PALS2: variants seen among roughly 807,000 people sequenced by gnomAD.
PALS2 encodes protein associated with LIN7 2, MAGUK p55 family member, also known as protein PALS2.
In PALS2, 27 loss-of-function variants were observed where a neutral mutation model predicts 61.6. The ratio of observed to expected loss-of-function variants is 0.44; its 90% CI spans 0.32 to 0.60. The LOEUF is 0.60. PALS2 is among the 20% of genes least tolerant of loss of function. The pLI, the probability that PALS2 is intolerant of heterozygous loss-of-function variation, is 0.05. For missense variants in PALS2, 554 were observed against 639.4 expected (o/e 0.87, Z 1.44); for synonymous variants, 236 against 218.6 (o/e 1.08, Z -0.70).
At chr7:24,599,008 G>A (rs777102756) in intron 1 of PALS2, among the ~76,000 whole-genome samples, 1 of 152,118 alleles carries the variant, frequency 6.6e-6, no homozygotes, top group Non-Finnish European at 1.5e-5. Flanking sequence ...AAAACACACC[G>A]AGTGTTGAAT....
At chr7:24,626,558 C>A (rs185548770) in intron 2 of PALS2, among the ~76,000 whole-genome samples, 1 of 152,190 alleles carries the variant, frequency 6.6e-6, no homozygotes, top group Admixed American at 6.5e-5. Flanking sequence ...TGGCTAAATG[C>A]CCCAATTAAA....
chr7:24,657,523 G>A (rs1317250676), intron 5 of PALS2, among the ~76,000 whole-genome samples: 1 of 152,108 alleles, frequency 6.6e-6, no homozygotes, highest in African/African-American at 2.4e-5. Context: ...TTGGCGAAGT[G>A]TCTTCAAATA....
At chr7:24,661,912 G>A (rs1412843633) in intron 5 of PALS2, among the ~76,000 whole-genome samples, 1 of 151,976 alleles carries the variant, frequency 6.6e-6, no homozygotes. Context: ...ACATTCTCTG[G>A]TACTTCATTT....
At chr7:24,625,331 A>G (rs1443688119) in intron 2 of PALS2, among the ~76,000 whole-genome samples, 1 of 152,242 alleles carries the variant, frequency 6.6e-6, no homozygotes, top group Non-Finnish European at 1.5e-5. Flanking sequence ...CTTTTGATCT[A>G]TAGATTTTAA....
intron 1 of PALS2, among the ~76,000 whole-genome samples, chr7:24,605,603 AGAATAGGT>A (rs1438367689): frequency 6.6e-6 from 1 of 152,182 alleles, no homozygotes; most frequent in Non-Finnish European, 1.5e-5. Flanking sequence ...AAAGACATAA[AGAATAGGT>A]CTATAAAGAC....
At position 24,672,322 on chromosome 7, in the gene PALS2, G is replaced by C. The variant is rs987993215; in HGVS notation, c.1114+3662G>C. Reference sequence around the variant, plus strand: ...GGCTCACTGCAGCCTCCACCTCCTGGATTCAAGCCATTCTCCTGCCTCAGC... The same window carrying C: ...GGCTCACTGCAGCCTCCACCTCCTGCATTCAAGCCATTCTCCTGCCTCAGC... On this transcript the variant is annotated intron_variant, in intron 9 of 11. Coordinates refer to ENST00000222644, the MANE Select transcript of PALS2 (RefSeq NM_001303037.2). Among the ~76,000 whole-genome samples, 8 of 151,888 alleles carry C rather than the reference G, an allele frequency of 5.3e-5. No homozygotes were observed. In the East Asian group the frequency reaches 1.6e-3, roughly 30 times the overall value.
At chr7:24,624,425 C>T (rs1051710039) in intron 2 of PALS2, among the ~76,000 whole-genome samples, 4 of 152,044 alleles carry the variant, frequency 2.6e-5, no homozygotes, top group African/African-American at 9.7e-5. Flanking sequence ...CTTCTTTGAT[C>T]TTTTCTTCAT....
chr7:24,623,631 G>C, intron 1 of PALS2, 35 bp from the exon 2 acceptor site: 1 of 1,313,000 alleles, frequency 7.6e-7, no homozygotes, highest in Non-Finnish European at 1.1e-6. Flanking sequence ...TTGTTTGTTT[G>C]TTTGTTTGTT....
At chr7:24,635,632 G>T (rs1054934515) in intron 2 of PALS2, among the ~76,000 whole-genome samples, 1 of 152,124 alleles carries the variant, frequency 6.6e-6, no homozygotes, top group African/African-American at 2.4e-5. Flanking sequence ...CTGCTCTTAA[G>T]GGGAAGTATC....
intron 2 of PALS2, among the ~76,000 whole-genome samples, chr7:24,627,630 A>G (rs1436937723): frequency 1.3e-5 from 2 of 152,166 alleles, no homozygotes; most frequent in Non-Finnish European, 2.9e-5. Context: ...CCAGACTAGT[A>G]AAGAAGAAAA....
chr7:24,638,769 ACCCCTTG>A (rs1300508243), intron 2 of PALS2, among the ~76,000 whole-genome samples: 7 of 151,748 alleles, frequency 4.6e-5, no homozygotes, highest in Non-Finnish European at 8.8e-5. Context: ...CTGACCCCCA[ACCCCTTG>A]CCATTAGTCT....
chr7:24,628,671 A>C (rs935749596), intron 2 of PALS2, among the ~76,000 whole-genome samples: 1 of 152,210 alleles, frequency 6.6e-6, no homozygotes, highest in Non-Finnish European at 1.5e-5. Flanking sequence ...TCAGCGCGCA[A>C]AAATCCCAAG....
chr7:24,662,866 T>C (rs1786807760), intron 5 of PALS2, among the ~76,000 whole-genome samples: 1 of 151,362 alleles, frequency 6.6e-6, no homozygotes, highest in African/African-American at 2.4e-5. Flanking sequence ...TTAATTAGAA[T>C]TTAAATTAAA....
chr7:24,599,525 T>TTTTTTTTTTTTTTTTTTTG (rs4000763), intron 1 of PALS2, among the ~76,000 whole-genome samples: 1 of 143,626 alleles, frequency 7.0e-6, no homozygotes. Flanking sequence ...TTTTTTTTTT[T>TTTTTTTTTTTTTTTTTTTG]ATGGAGTCTT....
intron 11 of PALS2, among the ~76,000 whole-genome samples, chr7:24,684,124 G>GT (rs552015882): frequency 8.9e-4 from 132 of 147,968 alleles, no homozygotes; most frequent in Middle Eastern, 3.5e-3. Flanking sequence ...GGGTTTTTTT[G>GT]TTTTTTTTTT....
chr7:24,589,573 T>G (rs887261109), intron 1 of PALS2, among the ~76,000 whole-genome samples: 2 of 152,304 alleles, frequency 1.3e-5, no homozygotes, highest in African/African-American at 4.8e-5. Context: ...TGTAGAAATT[T>G]CAGGGCAGTC....
intron 1 of PALS2, among the ~76,000 whole-genome samples, chr7:24,588,621 G>A (rs748957097): frequency 2.0e-5 from 3 of 152,136 alleles, no homozygotes; most frequent in Non-Finnish European, 4.4e-5. Flanking sequence ...ACCCTTAAGG[G>A]AAAAACTATC....
At chr7:24,669,121 A>G (rs1787175434) in intron 9 of PALS2, among the ~76,000 whole-genome samples, 1 of 152,194 alleles carries the variant, frequency 6.6e-6, no homozygotes, top group South Asian at 2.1e-4. Flanking sequence ...CATAAACCTG[A>G]TTTTTGATAG....
intron 1 of PALS2, among the ~76,000 whole-genome samples, chr7:24,592,053 A>G (rs1783308104): frequency 6.6e-6 from 1 of 152,128 alleles, no homozygotes. Flanking sequence ...GAAACAAGAA[A>G]GCAGAGTGTT....
Sources: gnomAD v4.1 joint callset for allele counts (sites outside exome capture counted in the v4.1 genomes callset) on GRCh38, gnomAD v4.1.1 for gene constraint, MANE v1.5 for transcripts, NCBI Gene and HGNC (gene_info 2026-07-23, HGNC 2026-07-21) for gene names.